Variants in LYRM4 observed in about 807,000 individuals in gnomAD.
LYRM4 encodes the protein LYR motif containing 4.
Under a neutral mutation model 11.7 loss-of-function variants are expected in LYRM4, and 9 were observed. That is an observed-to-expected ratio of 0.77 (90% confidence interval 0.46 to 1.34). LYRM4 has a LOEUF of 1.34. Ranked by LOEUF, LYRM4 falls within the 40% of genes most tolerant of loss-of-function variation. The pLI, the probability that LYRM4 is intolerant of heterozygous loss-of-function variation, is 0.00. For missense variants in LYRM4, 133 were observed against 112.5 expected, an observed-to-expected ratio of 1.18 and a Z score of -0.82; for synonymous variants, 42 against 40.4, an observed-to-expected ratio of 1.04 and a Z score of -0.15.
At chr6:5,126,874 C>T (rs1247585135) in intron 2 of LYRM4, among the ~76,000 whole-genome samples, 1 of 152,138 alleles carries the variant, frequency 6.6e-6, no homozygotes. Context: ...GGGTTTCTTT[C>T]TGGTGTGCTG....
the LYRM4 span, among the ~76,000 whole-genome samples, chr6:5,055,901 G>A: frequency 5.9e-5 from 9 of 152,216 alleles, 1 homozygote; most frequent in South Asian, 1.9e-3. This position sits in a 1 kb window ranked among gnomAD's most constrained non-coding sequence, Gnocchi z 4.5. Flanking sequence ...TCAGGCCAGT[G>A]GTTATTCAAG....
chr6:5,197,284 G>C (rs539012789), intron 2 of LYRM4, among the ~76,000 whole-genome samples: 1 of 152,276 alleles, frequency 6.6e-6, no homozygotes, highest in South Asian at 2.1e-4. Context: ...GGTTGAAGGG[G>C]GGGGCCAAGT....
At chr6:5,245,109 AAAAAATATATATATAT>A (rs1304502397) in intron 1 of LYRM4, among the ~76,000 whole-genome samples, 3 of 40,124 alleles carry the variant, frequency 7.5e-5, no homozygotes, top group Admixed American at 3.0e-4. Context: ...AAAAAAAAAA[AAAAAATATATATATAT>A]ATATATATAT....
chr6:5,253,244 T>C (rs1175349777), intron 1 of LYRM4, among the ~76,000 whole-genome samples: 2 of 152,240 alleles, frequency 1.3e-5, no homozygotes, highest in Non-Finnish European at 2.9e-5. Context: ...CAATAACATA[T>C]TTCTTAAGCT....
downstream of LYRM4, chr6:5,107,490 G>C (rs951712253): frequency 6.6e-6 from 1 of 152,266 alleles, no homozygotes; most frequent in African/African-American, 2.4e-5. Flanking sequence ...ACTGATGCAA[G>C]GTGGAAAACC....
downstream of LYRM4, chr6:5,104,260 C>T (rs1268352176): frequency 2.0e-5 from 3 of 151,754 alleles, no homozygotes; most frequent in Non-Finnish European, 2.9e-5. Context: ...AAGGGTCTTT[C>T]GAGTTGTTTT....
chr6:5,081,589 T>C, the LYRM4 span, among the ~76,000 whole-genome samples: 1 of 152,342 alleles, frequency 6.6e-6, no homozygotes, highest in Admixed American at 6.5e-5. Flanking sequence ...CTGGGCCCTC[T>C]TCCCTTCTCA....
Position 5,216,664 on chromosome 6 carries a change from G to A in LYRM4, c.161C>T (p.Thr54Ile). 6.2e-7 allele frequency: 1 copy of A among 1,613,934 alleles called. No individual in the cohort carries two copies. The highest frequency in any genetic ancestry group is 8.5e-7 in the Non-Finnish European group (1 of 1,179,952). The part of the protein sequence containing the change: ...KNVKDPVEIQ[T>I]LVNKAKRDLG... ...GTCTCTCTTGGCTTTATTCACTAGG[G>A]TTTGAATTTCTACAGGATCCTTTAC... is the stretch of plus-strand genomic sequence containing the variant. The change falls in exon 2 of 3, where the codon ACC (threonine) becomes ATC (isoleucine). Residue 54 changes from threonine (T) to isoleucine (I), a missense_variant. Coordinates refer to ENST00000330636, the MANE Select transcript of LYRM4 (RefSeq NM_020408.6).
At chr6:5,115,554 G>C (rs960647142) in intron 2 of LYRM4, among the ~76,000 whole-genome samples, 1 of 152,160 alleles carries the variant, frequency 6.6e-6, no homozygotes, top group African/African-American at 2.4e-5. Flanking sequence ...CACCAATCTA[G>C]AGGATGAAAA....
At chr6:5,217,604 T>C (rs992282386) in intron 1 of LYRM4, among the ~76,000 whole-genome samples, 4 of 152,280 alleles carry the variant, frequency 2.6e-5, no homozygotes, top group Admixed American at 2.0e-4. Context: ...GCCTGTTACA[T>C]AGAAAGACTC....
intron 2 of LYRM4, among the ~76,000 whole-genome samples, chr6:5,145,372 C>A (rs1312011248): frequency 1.3e-5 from 2 of 152,246 alleles, no homozygotes; most frequent in Non-Finnish European, 2.9e-5. Flanking sequence ...ACGCTGCAAA[C>A]AGTGCTGCGA....
chr6:5,256,714 T>C (rs190014876), intron 1 of LYRM4, among the ~76,000 whole-genome samples: 4 of 152,144 alleles, frequency 2.6e-5, no homozygotes, highest in Admixed American at 2.6e-4. Context: ...CAGAGCCCTG[T>C]GATTAACTAC....
At chr6:5,155,658 C>T (rs1758369799) in intron 2 of LYRM4, among the ~76,000 whole-genome samples, 1 of 152,188 alleles carries the variant, frequency 6.6e-6, no homozygotes, top group Non-Finnish European at 1.5e-5. Flanking sequence ...AGGATTCTCA[C>T]ACTGGTCCTG....
chr6:5,044,944 T>C, the LYRM4 span, among the ~76,000 whole-genome samples: 2 of 152,228 alleles, frequency 1.3e-5, no homozygotes, highest in African/African-American at 4.8e-5. Flanking sequence ...AAAGCAGAGA[T>C]CCTAGTGACA....
intron 2 of LYRM4, among the ~76,000 whole-genome samples, chr6:5,161,277 G>T (rs906642646): frequency 1.3e-5 from 2 of 152,086 alleles, no homozygotes; most frequent in African/African-American, 2.4e-5. Flanking sequence ...TTGCTCTTTG[G>T]CTGGCAGAAA....
chr6:5,147,128 A>G (rs1290490002), intron 2 of LYRM4, among the ~76,000 whole-genome samples: 2 of 152,206 alleles, frequency 1.3e-5, no homozygotes, highest in African/African-American at 4.8e-5. Context: ...TTATGTTTTC[A>G]TGATGATCCT....
At chr6:5,252,270 G>A (rs954142957) in intron 1 of LYRM4, among the ~76,000 whole-genome samples, 9 of 152,170 alleles carry the variant, frequency 5.9e-5, no homozygotes, top group African/African-American at 1.9e-4. Context: ...TTGTGGAAGC[G>A]GCAGCCCACG....
At chr6:5,160,367 G>C (rs1464489318) in intron 2 of LYRM4, among the ~76,000 whole-genome samples, 1 of 152,090 alleles carries the variant, frequency 6.6e-6, no homozygotes, top group Non-Finnish European at 1.5e-5. Context: ...GATATGGTTT[G>C]GCTGTTTCCC....
chr6:5,100,237 T>A (rs567694730), downstream of LYRM4, among the ~76,000 whole-genome samples: 1 of 151,618 alleles, frequency 6.6e-6, no homozygotes, highest in Non-Finnish European at 1.5e-5. Flanking sequence ...AGGAGGGGAG[T>A]TGGCTCATGG....
Sources: gnomAD v4.1 joint callset for allele counts (sites outside exome capture counted in the v4.1 genomes callset) on GRCh38, gnomAD v4.1.1 for gene constraint, Gnocchi (gnomAD v3.1) non-coding constraint, MANE v1.5 for transcripts, NCBI Gene and HGNC (gene_info 2026-07-23, HGNC 2026-07-21) for gene names.